MYO3A: variants seen among roughly 807,000 people sequenced by gnomAD.
MYO3A encodes the protein myosin-IIIa.
MYO3A carries 180 observed loss-of-function variants against 192.7 expected under a neutral mutation model. The ratio of observed to expected loss-of-function variants is 0.93; its 90% confidence interval spans 0.83 to 1.06. The LOEUF is 1.06. Ranked by LOEUF, MYO3A falls within the 50% of genes least tolerant of loss-of-function variation. The pLI, the probability that MYO3A is intolerant of heterozygous loss-of-function variation, is 0.00. For missense variants in MYO3A, 1,896 were observed against 1,905.0 expected, an observed-to-expected ratio of 1.00 and a Z score of 0.09; for synonymous variants, 628 against 645.3, an observed-to-expected ratio of 0.97 and a Z score of 0.41.
At chr10:26,038,235 G>A (rs1453793190) in intron 10 of MYO3A, among the ~76,000 whole-genome samples, 1 of 152,164 alleles carries the variant, frequency 6.6e-6, no homozygotes, top group Non-Finnish European at 1.5e-5. Context: ...CTATTTCTGT[G>A]AAGAATGTCA....
intron 10 of MYO3A, among the ~76,000 whole-genome samples, chr10:26,041,922 C>G (rs1481605096): frequency 1.3e-5 from 2 of 152,038 alleles, no homozygotes; most frequent in African/African-American, 2.4e-5. Context: ...AAATTTTGTA[C>G]CTTAAAATGA....
chr10:26,041,979 C>T (rs1047855925), intron 10 of MYO3A, among the ~76,000 whole-genome samples: 1 of 152,080 alleles, frequency 6.6e-6, no homozygotes, highest in Non-Finnish European at 1.5e-5. Flanking sequence ...TGAAGTATTC[C>T]CATTAGCATT....
chr10:26,142,399 G>A (rs929902999), intron 20 of MYO3A, among the ~76,000 whole-genome samples: 3 of 152,210 alleles, frequency 2.0e-5, no homozygotes, highest in African/African-American at 7.2e-5. Context: ...AGTCATAGAA[G>A]CCAACTGGGC....
At chr10:26,194,334 C>T (rs1402737465) in intron 32 of MYO3A, among the ~76,000 whole-genome samples, 1 of 152,152 alleles carries the variant, frequency 6.6e-6, no homozygotes, top group Non-Finnish European at 1.5e-5. Flanking sequence ...TTCGTGGGAC[C>T]CGTGACTGCT....
At chr10:26,166,833 G>A (rs1841778983) in intron 27 of MYO3A, among the ~76,000 whole-genome samples, 1 of 152,130 alleles carries the variant, frequency 6.6e-6, no homozygotes, top group African/African-American at 2.4e-5. Flanking sequence ...CTCGCTATAT[G>A]TATTGGACAT....
chr10:26,009,696 A>T (rs887936608), intron 6 of MYO3A, among the ~76,000 whole-genome samples: 1 of 152,214 alleles, frequency 6.6e-6, no homozygotes, highest in Non-Finnish European at 1.5e-5. Context: ...CTTCTCTATG[A>T]TGTGATAACT....
chr10:26,069,810 A>G (rs1408618012), intron 12 of MYO3A, among the ~76,000 whole-genome samples: 2 of 152,098 alleles, frequency 1.3e-5, no homozygotes, highest in East Asian at 3.8e-4. Context: ...GCTTTCATTT[A>G]AATACATAAT....
Position 26,211,913 on chromosome 10 carries a change from A to G in MYO3A, c.4801A>G (p.Arg1601Gly), listed in dbSNP as rs542062107. 3 of 1,613,996 alleles carry G rather than the reference A, an allele frequency of 1.9e-6. No homozygotes were observed. The highest frequency in any genetic ancestry group is 3.3e-5 in the Admixed American group (2 of 60,020). ...AGCAGCCAACCCCTACGACTTCAGG[A>G]GGCTCCTGCGCAAAACCTCCCAGCG... ...EPAANPYDFR[R>G]LLRKTSQRRR... Residue 1601 changes from arginine to glycine, a missense_variant, in exon 35 of 35, where the codon AGG (arginine) becomes GGG (glycine). Physicochemically the swap from Arg to Gly is moderately radical, Grantham distance 125. Transcript: ENST00000642920.
chr10:26,030,369 A>G (rs957980455), intron 10 of MYO3A, among the ~76,000 whole-genome samples: 2 of 152,076 alleles, frequency 1.3e-5, no homozygotes, highest in Non-Finnish European at 2.9e-5. Flanking sequence ...TTATAAACGT[A>G]TGTTTGGAAG....
chr10:26,009,577 C>G (rs1401023924), intron 6 of MYO3A, among the ~76,000 whole-genome samples: 5 of 152,062 alleles, frequency 3.3e-5, no homozygotes, highest in Non-Finnish European at 5.9e-5. Flanking sequence ...GCAGAGCAAC[C>G]TCTGGAGTTT....
chr10:25,959,673 T>C (rs1837798449), intron 4 of MYO3A, among the ~76,000 whole-genome samples: 1 of 152,094 alleles, frequency 6.6e-6, no homozygotes, highest in Non-Finnish European at 1.5e-5. Flanking sequence ...TTCAAGTTTC[T>C]TTCTCTGTTT....
intron 15 of MYO3A, among the ~76,000 whole-genome samples, chr10:26,095,792 T>C (rs1464270945): frequency 6.6e-6 from 1 of 152,192 alleles, no homozygotes; most frequent in Non-Finnish European, 1.5e-5. Flanking sequence ...AGATTCCTCA[T>C]ACAAGTGAGA....
intron 32 of MYO3A, among the ~76,000 whole-genome samples, chr10:26,198,447 C>T (rs1347734200): frequency 1.3e-5 from 2 of 152,218 alleles, no homozygotes; most frequent in Non-Finnish European, 2.9e-5. Context: ...ACAATCTTAT[C>T]AGAGATCCCT....
intron 17 of MYO3A, among the ~76,000 whole-genome samples, chr10:26,118,103 G>A (rs1257492641): frequency 2.0e-5 from 3 of 152,036 alleles, no homozygotes; most frequent in Admixed American, 6.5e-5. Context: ...GTGACATTGA[G>A]CTTTTTTCAT....
At position 26,076,036 on chromosome 10, in the gene MYO3A, T is replaced by G. The variant is rs1205234422; in HGVS notation, c.1359+5635T>G. On this transcript the variant is annotated intron_variant, in intron 14 of 34. Transcript: ENST00000642920. ...CCAGTAGTGGAATTTCTGGATCAAA[T>G]GGGAGTTCTACTTTCAGTTCTTTAA... is the stretch of plus-strand genomic sequence containing the variant. Among the ~76,000 whole-genome samples, 4 of 150,362 alleles carry G rather than the reference T, an allele frequency of 2.7e-5. No individual in the cohort carries two copies. The East Asian group carries it at 7.7e-4, about 29-fold the overall frequency.
At chr10:26,135,294 T>C (rs1307152587) in intron 20 of MYO3A, among the ~76,000 whole-genome samples, 1 of 152,040 alleles carries the variant, frequency 6.6e-6, no homozygotes, top group Non-Finnish European at 1.5e-5. Flanking sequence ...GAGCACCTTT[T>C]TCTTCTTCAT....
At chr10:25,942,065 G>C (rs1465550038) in intron 2 of MYO3A, among the ~76,000 whole-genome samples, 1 of 149,312 alleles carries the variant, frequency 6.7e-6, no homozygotes, top group Admixed American at 6.7e-5. Flanking sequence ...GCAGTGGCAT[G>C]AGTTCAGATC....
chr10:26,133,443 T>TC (rs2131784366), intron 20 of MYO3A, among the ~76,000 whole-genome samples: 1 of 152,354 alleles, frequency 6.6e-6, no homozygotes, highest in East Asian at 1.9e-4. Flanking sequence ...AGACGGCCTC[T>TC]CAGGCTCTGT....
At chr10:26,082,757 TC>T (rs1836048167) in intron 14 of MYO3A, among the ~76,000 whole-genome samples, 5 of 42,310 alleles carry the variant, frequency 1.2e-4, no homozygotes, top group East Asian at 3.6e-4. Flanking sequence ...TCTCTCTTTT[TC>T]TCTCTCTCTC....
Sources: gnomAD v4.1 joint callset for allele counts (sites outside exome capture counted in the v4.1 genomes callset) on GRCh38, gnomAD v4.1.1 for gene constraint, MANE v1.5 for transcripts, NCBI Gene and HGNC (gene_info 2026-07-23, HGNC 2026-07-21) for gene names.